The following DLC1 variants were observed in gnomAD, a reference collection of about 807,000 sequenced individuals.
DLC1 encodes DLC1 Rho GTPase activating protein.
In DLC1, 54 loss-of-function variants were observed where a neutral mutation model predicts 140.3. The ratio of observed to expected loss-of-function variants is 0.38; its 90% CI spans 0.31 to 0.48. The LOEUF (loss-of-function observed/expected upper bound fraction) is 0.48. Ranked by LOEUF, DLC1 falls within the 20% of genes least tolerant of loss-of-function variation. The pLI is 0.96. For missense variants in DLC1, 2,536 were observed against 1,907.0 expected (o/e 1.33, Z -6.14); for synonymous variants, 986 against 728.1 (o/e 1.35, Z -5.70).
At chr8:13,094,649 G>A in intron 12 of DLC1, 110 bp downstream of exon 12, 1 of 1,322,820 alleles carries the variant, frequency 7.6e-7, no homozygotes, top group Non-Finnish European at 1.0e-6. Flanking sequence ...CTGGATGACA[G>A]AGCGAGACTC....
chr8:13,191,218 C>G (rs1328435303), intron 5 of DLC1, among the ~76,000 whole-genome samples: 2 of 152,060 alleles, frequency 1.3e-5, no homozygotes, highest in East Asian at 3.9e-4. Flanking sequence ...GCTATTAAAC[C>G]CTTATTGGCC....
chr8:13,257,675 C>T (rs1052689913), intron 5 of DLC1, among the ~76,000 whole-genome samples: 2 of 151,316 alleles, frequency 1.3e-5, no homozygotes, highest in Non-Finnish European at 2.9e-5. Flanking sequence ...GCTAACTCTA[C>T]TCAGAATATG....
In DLC1 at chr8:13,282,667, C is replaced by T. The variant is rs75668563; in HGVS notation, c.1348+22602G>A. ...TTTCTTTTATCCTTTCATTTTTCACCATGTAAAATTACAGTGTGTTAGTAA... is the reference window on the plus strand; with the variant it reads ...TTTCTTTTATCCTTTCATTTTTCACTATGTAAAATTACAGTGTGTTAGTAA... On this transcript the variant is annotated intron_variant, in intron 5 of 17. Coordinates refer to ENST00000276297, the MANE Select transcript of DLC1 (RefSeq NM_182643.3). Among the ~76,000 whole-genome samples, 949 of 151,790 alleles carry T rather than the reference C, an allele frequency of 6.3e-3. 12 individuals are homozygous for T. Among genetic ancestry groups the T allele is most frequent in the African/African-American group, 0.022 (905 of 41,398 alleles).
intron 4 of DLC1, among the ~76,000 whole-genome samples, chr8:13,348,707 G>A (rs1462911375): frequency 1.3e-5 from 2 of 152,038 alleles, no homozygotes; most frequent in Non-Finnish European, 2.9e-5. Flanking sequence ...AGTGAAGAAG[G>A]AAGAAAGAAA....
intron 5 of DLC1, among the ~76,000 whole-genome samples, chr8:13,146,815 A>G (rs559810444): frequency 1.3e-5 from 2 of 152,248 alleles, no homozygotes; most frequent in Non-Finnish European, 2.9e-5. Flanking sequence ...AATTTAATTT[A>G]GAAACCAAAG....
chr8:13,166,560 C>T (rs951613876), intron 5 of DLC1, among the ~76,000 whole-genome samples: 1 of 152,080 alleles, frequency 6.6e-6, no homozygotes, highest in Admixed American at 6.6e-5. Flanking sequence ...AGGCTGGCCT[C>T]GAACTCAAGT....
intron 2 of DLC1, among the ~76,000 whole-genome samples, chr8:13,468,814 T>C (rs1800070636): frequency 2.0e-5 from 1 of 50,404 alleles, no homozygotes; most frequent in Admixed American, 1.9e-4. Flanking sequence ...ATGTCTGCTT[T>C]TTTTTTTTTT....
At chr8:13,126,050 A>G (rs550749666) in intron 5 of DLC1, among the ~76,000 whole-genome samples, 93 of 152,206 alleles carry the variant, frequency 6.1e-4, no homozygotes, top group African/African-American at 2.0e-3. Flanking sequence ...ATAAACCAGG[A>G]AAAGGCAAGC....
chr8:13,460,177 T>C (rs958054365), intron 2 of DLC1, among the ~76,000 whole-genome samples: 2 of 152,228 alleles, frequency 1.3e-5, no homozygotes, highest in Non-Finnish European at 2.9e-5. Context: ...ATGTGTATTG[T>C]CTGTATCATT....
chr8:13,268,323 CTGTT>C (rs1238576633), intron 5 of DLC1, among the ~76,000 whole-genome samples: 2 of 152,156 alleles, frequency 1.3e-5, no homozygotes, highest in Non-Finnish European at 2.9e-5. Flanking sequence ...TTGCCTGACT[CTGTT>C]TGTTTTAGAG....
intron 1 of DLC1, chr8:13,567,877 C>G: frequency 1.3e-6 from 2 of 1,551,912 alleles, no homozygotes; most frequent in Non-Finnish European, 8.7e-7. Context: ...TTGTCATTTA[C>G]CATTTTCTCT....
At chr8:13,111,049 T>C (rs754973831) in intron 6 of DLC1, among the ~76,000 whole-genome samples, 5 of 152,282 alleles carry the variant, frequency 3.3e-5, no homozygotes, top group South Asian at 2.1e-4. Flanking sequence ...ACTCAAAATA[T>C]TGCTTCTGGT....
intron 1 of DLC1, among the ~76,000 whole-genome samples, chr8:13,528,198 T>G (rs2117300135): frequency 6.6e-6 from 1 of 152,268 alleles, no homozygotes; most frequent in Non-Finnish European, 1.5e-5. Flanking sequence ...GTTCTCAGTA[T>G]TTCACTGAAC....
At chr8:13,221,726 G>GTATATATATATATATATATATATATA (rs377039517) in intron 5 of DLC1, among the ~76,000 whole-genome samples, 2 of 132,448 alleles carry the variant, frequency 1.5e-5, no homozygotes, top group African/African-American at 5.8e-5. Flanking sequence ...GTGTGTGTGT[G>GTATATATATATATATATATATATATA]TATATATATA....
chr8:13,507,588 C>G (rs1356246123), intron 1 of DLC1, among the ~76,000 whole-genome samples: 1 of 152,140 alleles, frequency 6.6e-6, no homozygotes, highest in African/African-American at 2.4e-5. Context: ...GTCTTAATCC[C>G]ACACAAAATC....
intron 5 of DLC1, among the ~76,000 whole-genome samples, chr8:13,226,240 C>A (rs947824566): frequency 2.6e-5 from 4 of 152,110 alleles, no homozygotes; most frequent in Non-Finnish European, 4.4e-5. Flanking sequence ...ATGTAATACT[C>A]TTTGGTTAAT....
At chr8:13,220,225 C>G (rs756098516) in intron 5 of DLC1, among the ~76,000 whole-genome samples, 1 of 152,074 alleles carries the variant, frequency 6.6e-6, no homozygotes, top group Non-Finnish European at 1.5e-5. Flanking sequence ...TCATTTTGGT[C>G]TCTGGGAAGG....
intron 1 of DLC1, among the ~76,000 whole-genome samples, chr8:13,570,154 C>CT (rs1308662554): frequency 1.3e-5 from 2 of 152,196 alleles, no homozygotes; most frequent in Admixed American, 6.5e-5. Flanking sequence ...CATAGTGGTT[C>CT]TTTAACATCT....
At chr8:13,250,457 G>T (rs1242014842) in intron 5 of DLC1, among the ~76,000 whole-genome samples, 1 of 152,082 alleles carries the variant, frequency 6.6e-6, no homozygotes, top group Non-Finnish European at 1.5e-5. Flanking sequence ...ACCCTTAAAG[G>T]CATAGGATTA....
Sources: allele counts gnomAD v4.1 joint callset (sites outside exome capture counted in the v4.1 genomes callset), GRCh38; gene constraint gnomAD v4.1.1; transcripts MANE v1.5; gene names NCBI Gene and HGNC (gene_info 2026-07-23, HGNC 2026-07-21).